The following SUCLA2 variants were observed in gnomAD, a reference collection of about 807,000 sequenced individuals.
SUCLA2 encodes the protein succinate--CoA ligase [ADP-forming] subunit beta, mitochondrial.
SUCLA2 carries 30 observed loss-of-function variants against 54.8 expected under a neutral mutation model. The observed-to-expected ratio is 0.55, with a 90% CI of 0.41 to 0.74. The LOEUF (loss-of-function observed/expected upper bound fraction) is 0.74. SUCLA2 is among the 30% of genes least tolerant of loss of function. The pLI is 0.00. For missense variants in SUCLA2, 476 were observed against 562.9 expected, an observed-to-expected ratio of 0.85 and a Z score of 1.56; for synonymous variants, 172 against 188.9, an observed-to-expected ratio of 0.91 and a Z score of 0.74.
At position 48,001,217 on chromosome 13, in the gene SUCLA2, T is replaced by C; in HGVS notation, c.53A>G (p.Asn18Ser). 6.2e-7 allele frequency: 1 copy of C among 1,608,892 alleles called. No individual in the cohort carries two copies. The highest frequency in any genetic ancestry group is 8.5e-7 in the Non-Finnish European group (1 of 1,178,576). ...CCGCTGGGCCGTCCGAGGCCGGTGG[T>C]TCCGAAGGGTGGCCACGGCCACTAG... ...GRLVAVATLR[N>S]HRPRTAQRAA... Residue 18 changes from asparagine to serine, a missense_variant, in exon 1 of 11, where the codon AAC becomes AGC. Asn to Ser is a conservative substitution (Grantham distance 46). Around this residue, in one of 2 missense-constraint regions of SUCLA2, gnomAD observed 134 missense variants for 118.7 expected, o/e 1.13. Transcript: ENST00000646932.
intron 6 of SUCLA2, among the ~76,000 whole-genome samples, chr13:47,967,576 C>G (rs1166456661): frequency 1.3e-5 from 2 of 152,146 alleles, no homozygotes; most frequent in African/African-American, 4.8e-5. Context: ...CGCAGTGACT[C>G]ACGCCTGTAA....
rs9567969 is a variant in SUCLA2, at chr13:47,982,226, A to G, written c.534+6315T>C. ...TGTCCATCAAAAGATGAATGGATAAAGAAAATGCAGTATATACATAAAATG... is the reference window on the plus strand; with the variant it reads ...TGTCCATCAAAAGATGAATGGATAAGGAAAATGCAGTATATACATAAAATG... On this transcript the variant is annotated intron_variant, in intron 4 of 10. Coordinates refer to ENST00000646932, the MANE Select transcript of SUCLA2 (RefSeq NM_003850.3). 7.4e-4 allele frequency among the ~76,000 whole-genome samples: 113 copies of G among 152,338 alleles called. 4 individuals carry two copies. The East Asian group carries it at 0.02, about 27-fold the overall frequency.
At chr13:47,953,881 T>G (rs1949796088) in intron 8 of SUCLA2, among the ~76,000 whole-genome samples, 1 of 152,102 alleles carries the variant, frequency 6.6e-6, no homozygotes, top group Non-Finnish European at 1.5e-5. Flanking sequence ...TATACTTTGA[T>G]AATCATTAAT....
intron 4 of SUCLA2, among the ~76,000 whole-genome samples, chr13:47,980,667 A>T (rs1403018475): frequency 6.6e-6 from 1 of 152,068 alleles, no homozygotes; most frequent in Non-Finnish European, 1.5e-5. Flanking sequence ...AAGAAACTAG[A>T]GGCCTCACAC....
chr13:47,961,941 T>G (rs1283678595), intron 6 of SUCLA2, among the ~76,000 whole-genome samples: 1 of 152,170 alleles, frequency 6.6e-6, no homozygotes, highest in East Asian at 1.9e-4. Flanking sequence ...TTAATGCAGG[T>G]TTCTAAAAAC....
In SUCLA2 at chr13:47,972,160, CAGG is replaced by C. The variant is rs1949971821; in HGVS notation, c.663+1101_663+1103del. 7 of 297,048 alleles carry C rather than the reference CAGG, an allele frequency of 2.4e-5. No homozygotes were observed. In the South Asian group the frequency reaches 9.8e-4, roughly 42 times the overall value. 18.4% of individuals were successfully genotyped at this position (297,048 alleles called of 1,614,324 possible). A position where few individuals can be genotyped will look rare whatever the true frequency, so the allele number is the denominator to read the frequency against. Reference sequence around the variant, plus strand: ...GTCCCAGCTAGTCGGTAGGCTGAGGCAGGAGAATAGCTTGAACTCAGAAGGCAG... The same window carrying C: ...GTCCCAGCTAGTCGGTAGGCTGAGGCAGAATAGCTTGAACTCAGAAGGCAG... On this transcript the variant is annotated intron_variant, in intron 5 of 10. Transcript: ENST00000646932.
intron 4 of SUCLA2, among the ~76,000 whole-genome samples, chr13:47,986,791 T>C (rs1277282694): frequency 3.3e-5 from 5 of 152,234 alleles, no homozygotes; most frequent in African/African-American, 1.2e-4. Context: ...GCACCATTTA[T>C]TAAATAGGAA....
chr13:47,990,598 C>A (rs557635709), intron 2 of SUCLA2, among the ~76,000 whole-genome samples: 5 of 152,202 alleles, frequency 3.3e-5, no homozygotes, highest in South Asian at 4.2e-4. Context: ...GGCAAAATAA[C>A]CTTTGAGATC....
intron 8 of SUCLA2, among the ~76,000 whole-genome samples, chr13:47,953,209 T>A (rs1012565970): frequency 6.6e-6 from 1 of 152,138 alleles, no homozygotes; most frequent in Non-Finnish European, 1.5e-5. Flanking sequence ...CTGTAACTCT[T>A]CATATACTTT....
chr13:47,958,561 G>C (rs1332928736), intron 6 of SUCLA2, among the ~76,000 whole-genome samples: 1 of 152,182 alleles, frequency 6.6e-6, no homozygotes, highest in African/African-American at 2.4e-5. Context: ...CCTCAGAATT[G>C]TCAGCATACA....
At chr13:47,993,238 A>G (rs76758313) in intron 2 of SUCLA2, among the ~76,000 whole-genome samples, 9,202 of 152,272 alleles carry the variant, frequency 0.06, 382 homozygotes, top group Non-Finnish European at 0.095. Context: ...TCTCAGAAAC[A>G]AAACAACAAA....
intron 8 of SUCLA2, among the ~76,000 whole-genome samples, chr13:47,950,924 T>C (rs921936097): frequency 1.3e-5 from 2 of 152,140 alleles, no homozygotes; most frequent in Non-Finnish European, 2.9e-5. Flanking sequence ...TATACATTCT[T>C]TACCTTACCA....
At chr13:47,945,816 A>C (rs1358359100) in intron 10 of SUCLA2, 1 of 152,244 alleles carries the variant, frequency 6.6e-6, no homozygotes, top group Non-Finnish European at 1.5e-5. Flanking sequence ...TGTTGTTCTG[A>C]GAAGTGTGAT....
rs6561424 is a variant in SUCLA2 at position 47,988,873 on chromosome 13, G to A, written c.371+9C>T. 0.79 allele frequency: 1,268,021 copies of A among 1,610,790 alleles called. 503,879 individuals are homozygous for A. The highest frequency in any genetic ancestry group is 0.82 in the Non-Finnish European group (966,462 of 1,179,004). On this transcript the variant is annotated intron_variant, in intron 3 of 10. Coordinates refer to ENST00000646932, the MANE Select transcript of SUCLA2 (RefSeq NM_003850.3). ...CAAGGATGATTTTTCCTTAAAAAATGTGACTTACGAGAAAACTATCTTCAC... is the reference window on the plus strand; with the variant it reads ...CAAGGATGATTTTTCCTTAAAAAATATGACTTACGAGAAAACTATCTTCAC...
At chr13:47,974,459 C>A (rs904329432) in intron 4 of SUCLA2, among the ~76,000 whole-genome samples, 1 of 152,068 alleles carries the variant, frequency 6.6e-6, no homozygotes, top group Non-Finnish European at 1.5e-5. Context: ...TGGTGGCATG[C>A]CCCTTTAGTC....
intron 1 of SUCLA2, chr13:48,000,823 C>G (rs1950224184): frequency 8.3e-6 from 9 of 1,090,166 alleles, no homozygotes; most frequent in Non-Finnish European, 1.0e-5. Flanking sequence ...CAAAAAGGGG[C>G]GGCGCAAGTC....
Position 47,943,764 on chromosome 13 carries a change from G to GTATATATA in SUCLA2, c.1318-320_1318-319insTATATATA, listed in dbSNP as rs1366859649. Among the ~76,000 whole-genome samples, 621 of 137,954 alleles carry GTATATATA rather than the reference G, an allele frequency of 4.5e-3. 4 individuals carry two copies. Among genetic ancestry groups the GTATATATA allele is most frequent in the African/African-American group, 0.014 (499 of 36,088 alleles). The allele number at this position is 137,954 out of a possible 152,430, so 90.5% of individuals were successfully genotyped here. The stretch of plus-strand genomic sequence containing the variant: ...TATGTATGTGTGTGTGTGTGTGTGT[G>GTATATATA]TGTATATATATATATATTATTCTAA... On this transcript the variant is annotated intron_variant, in intron 10 of 10. Transcript: ENST00000646932.
chr13:47,949,276 T>G (rs751018520), intron 9 of SUCLA2, among the ~76,000 whole-genome samples: 9 of 152,132 alleles, frequency 5.9e-5, no homozygotes, highest in East Asian at 1.9e-4. Flanking sequence ...TCACAACAAA[T>G]AAAAAGTGTA....
intron 6 of SUCLA2, among the ~76,000 whole-genome samples, chr13:47,964,537 CTGTT>C (rs1949900123): frequency 1.3e-5 from 2 of 152,120 alleles, no homozygotes; most frequent in Admixed American, 1.3e-4. Flanking sequence ...TGTCAACTAA[CTGTT>C]TGGGTATATA....
Sources: gnomAD v4.1 joint callset for allele counts (sites outside exome capture counted in the v4.1 genomes callset) on GRCh38, gnomAD v4.1.1 for gene constraint, gnomAD v4.1.1 regional missense constraint, MANE v1.5 for transcripts, NCBI Gene and HGNC (gene_info 2026-07-23, HGNC 2026-07-21) for gene names.